Variants in NECTIN3 observed in about 807,000 individuals in gnomAD.
The protein encoded by NECTIN3 is nectin-3.
In NECTIN3, 8 loss-of-function variants were observed where a neutral mutation model predicts 49.4. That is an observed-to-expected ratio of 0.16 (90% CI 0.10 to 0.29). The LOEUF is 0.29. Among genes scored for constraint, NECTIN3 ranks in the 10% least tolerant of loss-of-function variants. The pLI is 1.00. For missense variants in NECTIN3, 581 were observed against 654.6 expected, an observed-to-expected ratio of 0.89 and a Z score of 1.23; for synonymous variants, 277 against 241.1, an observed-to-expected ratio of 1.15 and a Z score of -1.38.
At chr3:111,166,396 C>G (rs2035320800) in intron 7 of NECTIN3, among the ~76,000 whole-genome samples, 1 of 152,170 alleles carries the variant, frequency 6.6e-6, no homozygotes, top group South Asian at 2.1e-4. Context: ...TTTCTTGTGA[C>G]ATGATACACA....
chr3:111,180,474 G>C (rs1317344414), intron 7 of NECTIN3, among the ~76,000 whole-genome samples: 2 of 152,190 alleles, frequency 1.3e-5, no homozygotes, highest in African/African-American at 2.4e-5. Flanking sequence ...CCTGATTAGT[G>C]TACAATCTTT....
intron 7 of NECTIN3, among the ~76,000 whole-genome samples, chr3:111,186,868 A>G (rs1267060089): frequency 1.3e-5 from 2 of 152,230 alleles, no homozygotes; most frequent in African/African-American, 2.4e-5. Context: ...AAGGCTTTCT[A>G]GGAAAAGATA....
At chr3:111,191,786 G>A (rs529639981), upstream of NECTIN3, among the ~76,000 whole-genome samples, 2 of 152,272 alleles carry the variant, frequency 1.3e-5, no homozygotes, top group Admixed American at 1.3e-4. Context: ...CATGTAAGAT[G>A]TAAACAAGTT....
intron 7 of NECTIN3, among the ~76,000 whole-genome samples, chr3:111,181,751 T>C (rs1293779677): frequency 2.0e-5 from 3 of 152,218 alleles, no homozygotes; most frequent in South Asian, 4.1e-4. Context: ...CATTTTGATA[T>C]TGATTTGTGT....
chr3:111,104,064 G>A (rs1337100353), intron 1 of NECTIN3, among the ~76,000 whole-genome samples: 1 of 152,130 alleles, frequency 6.6e-6, no homozygotes, highest in East Asian at 1.9e-4. Context: ...CATATGGTAT[G>A]TTTAACTTTA....
At chr3:111,119,095 A>G in intron 3 of NECTIN3, 143 bp downstream of exon 3, 1 of 794,402 alleles carries the variant, frequency 1.3e-6, no homozygotes, top group Non-Finnish European at 1.9e-6. Context: ...ATTTAACCAG[A>G]ACATTTTTAA....
chr3:111,184,969 A>G (rs140931485), intron 7 of NECTIN3, among the ~76,000 whole-genome samples: 60 of 152,266 alleles, frequency 3.9e-4, no homozygotes, highest in African/African-American at 1.4e-3. Flanking sequence ...AGGATTTTCT[A>G]CTTCAGCTGG....
chr3:111,191,120 A>T (rs1321703252), upstream of NECTIN3, among the ~76,000 whole-genome samples: 3 of 152,110 alleles, frequency 2.0e-5, no homozygotes, highest in East Asian at 5.8e-4. Flanking sequence ...TATTATATTG[A>T]CTGAACATCT....
At chr3:111,114,951 A>G (rs893462642) in intron 2 of NECTIN3, among the ~76,000 whole-genome samples, 3 of 152,164 alleles carry the variant, frequency 2.0e-5, no homozygotes, top group African/African-American at 7.2e-5. Context: ...ACTCAGGGAC[A>G]CTGGAACCAA....
intron 4 of NECTIN3, among the ~76,000 whole-genome samples, chr3:111,124,783 G>A (rs2034093536): frequency 6.6e-6 from 1 of 151,830 alleles, no homozygotes; most frequent in Admixed American, 6.6e-5. Flanking sequence ...ATTATTGTTT[G>A]TTCTTATTCC....
intron 1 of NECTIN3, among the ~76,000 whole-genome samples, chr3:111,101,444 T>A (rs2032902202): frequency 6.6e-6 from 1 of 152,142 alleles, no homozygotes; most frequent in Non-Finnish European, 1.5e-5. Context: ...CTATTTTCTA[T>A]GCCTGTTATT....
At chr3:111,157,088 A>G (rs1325978701) in intron 7 of NECTIN3, among the ~76,000 whole-genome samples, 1 of 152,114 alleles carries the variant, frequency 6.6e-6, no homozygotes, top group Non-Finnish European at 1.5e-5. Flanking sequence ...TTAATCTTCA[A>G]ATTCAGACTA....
chr3:111,180,515 T>C (rs1201742582), intron 7 of NECTIN3, among the ~76,000 whole-genome samples: 1 of 148,832 alleles, frequency 6.7e-6, no homozygotes, highest in African/African-American at 2.6e-5. Flanking sequence ...AAAGTCGACC[T>C]CTCTCATAAC....
chr3:111,101,800 A>T (rs2032920780), intron 1 of NECTIN3, among the ~76,000 whole-genome samples: 1 of 152,162 alleles, frequency 6.6e-6, no homozygotes, highest in South Asian at 2.1e-4. Flanking sequence ...GTGCCAGAGA[A>T]TAATTACAAG....
At chr3:111,072,566 GC>G (rs1313424888) in intron 1 of NECTIN3, 44 of 1,535,548 alleles carry the variant, frequency 2.9e-5, no homozygotes, top group Middle Eastern at 3.3e-4. Context: ...TGAAACTTGA[GC>G]TGTGAGCCCA....
In NECTIN3 at chr3:111,133,907, G is replaced by A. The variant is rs1382414690; in HGVS notation, c.1342G>A (p.Asp448Asn). The change falls in exon 6 of 6, where the codon GAT becomes AAT. Residue 448 changes from aspartate to asparagine, a missense_variant. Asp to Asn is a conservative substitution (Grantham distance 23, BLOSUM62 1). This residue lies in a region of NECTIN3 where 238 missense variants were observed against 244.9 expected (regional missense o/e 0.97). Coordinates refer to ENST00000485303, the MANE Select transcript of NECTIN3 (RefSeq NM_015480.3). ...YFAKNYIPPS[D>N]MQKESQIDVL... ...TGCCAAGAACTACATTCCACCATCA[G>A]ATATGCAAAAAGAATCACAAATAGA... 1 of 1,613,748 alleles carries A rather than the reference G, an allele frequency of 6.2e-7. No individual in the cohort carries two copies. The highest frequency in any genetic ancestry group is 1.3e-5 in the African/African-American group (1 of 74,876).
chr3:111,164,432 C>T (rs1268996239), intron 7 of NECTIN3, among the ~76,000 whole-genome samples: 1 of 152,152 alleles, frequency 6.6e-6, no homozygotes, highest in Non-Finnish European at 1.5e-5. Context: ...CATATTACTA[C>T]CATTAGCAAA....
At chr3:111,124,529 T>C (rs563970849) in intron 4 of NECTIN3, among the ~76,000 whole-genome samples, 1 of 152,348 alleles carries the variant, frequency 6.6e-6, no homozygotes, top group African/African-American at 2.4e-5. Flanking sequence ...AGAAAGTTTA[T>C]CTTTTGAAAG....
At position 111,071,860 on chromosome 3, in the gene NECTIN3, C is replaced by T. The variant is rs1576053837; in HGVS notation, c.-158C>T. 1 of 439,356 alleles carries T rather than the reference C, an allele frequency of 2.3e-6. No homozygotes were observed. 27.2% of individuals were successfully genotyped at this position (439,356 alleles called of 1,614,324 possible). ...GCGACGGCGGTGTCGAGGCAGCCGCCAGCGTTCGGCCAAGTGTCAGCCGGC... is the reference window on the plus strand; with the variant it reads ...GCGACGGCGGTGTCGAGGCAGCCGCTAGCGTTCGGCCAAGTGTCAGCCGGC... On this transcript the variant is annotated 5_prime_UTR_variant, in exon 1 of 6. Coordinates refer to ENST00000485303, the MANE Select transcript of NECTIN3 (RefSeq NM_015480.3).
Sources: allele counts gnomAD v4.1 joint callset (sites outside exome capture counted in the v4.1 genomes callset), GRCh38; gene constraint gnomAD v4.1.1; regional missense constraint gnomAD v4.1.1; transcripts MANE v1.5; gene names NCBI Gene and HGNC (gene_info 2026-07-23, HGNC 2026-07-21).